Variants in CPEB3 observed in about 807,000 individuals in gnomAD.
CPEB3 encodes cytoplasmic polyadenylation element binding protein 3, also known as cytoplasmic polyadenylation element-binding protein 3.
In CPEB3, 20 loss-of-function variants were observed where a neutral mutation model predicts 67.2. The ratio of observed to expected loss-of-function variants is 0.30; its 90% CI spans 0.21 to 0.43. CPEB3 has a LOEUF of 0.43. Ranked by LOEUF, CPEB3 falls within the 20% of genes least tolerant of loss-of-function variation. The pLI, the probability that CPEB3 is intolerant of heterozygous loss-of-function variation, is 1.00. For missense variants in CPEB3, 746 were observed against 968.6 expected (o/e 0.77, Z 3.05); for synonymous variants, 376 against 393.1 (o/e 0.96, Z 0.51).
intron 7 of CPEB3, among the ~76,000 whole-genome samples, chr10:92,100,685 G>A (rs568611020): frequency 1.3e-5 from 2 of 151,536 alleles, no homozygotes; most frequent in Admixed American, 6.5e-5. Context: ...TTCGCCTCCC[G>A]GGTTCACACC....
intron 6 of CPEB3, among the ~76,000 whole-genome samples, chr10:92,134,880 C>G (rs1435590513): frequency 1.3e-5 from 2 of 151,880 alleles, no homozygotes; most frequent in Non-Finnish European, 2.9e-5. Context: ...ACCATCTGAT[C>G]TTTGACAAAC....
chr10:92,259,257 C>T (rs897585236), intron 1 of CPEB3, among the ~76,000 whole-genome samples: 7 of 151,916 alleles, frequency 4.6e-5, no homozygotes, highest in African/African-American at 1.4e-4. Context: ...GCCGCCACAC[C>T]CAGCCATTCT....
chr10:92,275,489 C>T (rs192962068), intron 1 of CPEB3, among the ~76,000 whole-genome samples: 4 of 152,284 alleles, frequency 2.6e-5, no homozygotes, highest in Admixed American at 2.0e-4. Context: ...AGTAAGTCTA[C>T]TAACAGATTT....
At chr10:92,120,376 A>T (rs948105236) in intron 6 of CPEB3, among the ~76,000 whole-genome samples, 4 of 152,160 alleles carry the variant, frequency 2.6e-5, no homozygotes, top group African/African-American at 9.6e-5. Context: ...CGAGGTCAGG[A>T]GATTGAGACC....
Position 92,255,341 on chromosome 10 carries a change from T to G in CPEB3, c.-11-14980A>C. ...ACTTCCAGTTAACTCCCCAACTTAC[T>G]GCAGTCTGGCTTCTGCCCCTACCAT... On this transcript the variant is annotated intron_variant, in intron 1 of 9. Coordinates refer to ENST00000265997, the MANE Select transcript of CPEB3 (RefSeq NM_014912.5). Among the ~76,000 whole-genome samples, 2 of 152,228 alleles carry G rather than the reference T, an allele frequency of 1.3e-5. 1 individual carries two copies. The highest frequency in any genetic ancestry group is 3.8e-4 in the East Asian group (2 of 5,204).
chr10:92,142,914 C>T (rs1846505114), intron 6 of CPEB3, 115 bp downstream of exon 6: 1 of 648,342 alleles, frequency 1.5e-6, no homozygotes, highest in East Asian at 2.8e-5. Flanking sequence ...AAAATGTTTT[C>T]CTAATTGGGG....
chr10:92,155,814 A>G (rs902263684), intron 4 of CPEB3, among the ~76,000 whole-genome samples: 1 of 152,202 alleles, frequency 6.6e-6, no homozygotes, highest in Non-Finnish European at 1.5e-5. Flanking sequence ...GAGAACAATA[A>G]AATCAACCTC....
intron 6 of CPEB3, among the ~76,000 whole-genome samples, chr10:92,119,869 A>AT (rs1012286794): frequency 2.0e-5 from 3 of 151,912 alleles, no homozygotes; most frequent in Non-Finnish European, 4.4e-5. Flanking sequence ...GTCATGCACC[A>AT]TTTTTTTCTG....
chr10:92,065,620 T>C (rs910579060), intron 9 of CPEB3, among the ~76,000 whole-genome samples: 1 of 152,150 alleles, frequency 6.6e-6, no homozygotes, highest in Non-Finnish European at 1.5e-5. Flanking sequence ...TTAGACACAT[T>C]CCTGAGGTCT....
Position 92,209,936 on chromosome 10 carries a change from T to C in CPEB3, c.1006-17300A>G, listed in dbSNP as rs543537953. ...CAGCCTGGGCGACAGAGCTAGGCTC[T>C]GTCTCAAAAAAAAAAAAAAAAAAAA... On this transcript the variant is annotated intron_variant, in intron 2 of 9. Transcript: ENST00000265997. 7.7e-5 allele frequency among the ~76,000 whole-genome samples: 9 copies of C among 117,024 alleles called. No individual in the cohort carries two copies. In the South Asian group the frequency reaches 2.1e-3, roughly 27 times the overall value. 76.8% of individuals were successfully genotyped at this position (117,024 alleles called of 152,430 possible).
chr10:92,232,986 T>C (rs1313559566), intron 2 of CPEB3, among the ~76,000 whole-genome samples: 2 of 152,156 alleles, frequency 1.3e-5, no homozygotes, highest in Non-Finnish European at 2.9e-5. Flanking sequence ...AAACCTAATA[T>C]TTCCTAACCA....
At chr10:92,216,818 C>G in intron 2 of CPEB3, 1 of 1,607,334 alleles carries the variant, frequency 6.2e-7, no homozygotes, top group South Asian at 1.1e-5. Context: ...ACCTGGGCAC[C>G]TGCCGCTGGA....
chr10:92,127,197 C>T (rs855703), intron 6 of CPEB3, among the ~76,000 whole-genome samples: 103,260 of 152,098 alleles, frequency 0.68, 36,660 homozygotes, highest in African/African-American at 0.89. Flanking sequence ...TCTGTAATCC[C>T]AGCATTTTGG....
chr10:92,228,717 C>T (rs61055151), intron 2 of CPEB3, among the ~76,000 whole-genome samples: 6 of 145,674 alleles, frequency 4.1e-5, no homozygotes, highest in African/African-American at 1.4e-4. Flanking sequence ...TATATATATA[C>T]ATTTTTTTTT....
At chr10:92,136,376 G>T (rs1846096540) in intron 6 of CPEB3, among the ~76,000 whole-genome samples, 1 of 152,016 alleles carries the variant, frequency 6.6e-6, no homozygotes, top group African/African-American at 2.4e-5. Context: ...CACAGCAAAG[G>T]AAACAGTCAA....
At chr10:92,181,064 T>G (rs1848436338) in intron 3 of CPEB3, 45 bp from the exon 4 acceptor site, 1 of 1,028,494 alleles carries the variant, frequency 9.7e-7, no homozygotes, top group Admixed American at 1.8e-5. Flanking sequence ...TTTAATGTAA[T>G]CATTTCAAAC....
chr10:92,178,787 T>C (rs1273776757), intron 4 of CPEB3, among the ~76,000 whole-genome samples: 2 of 152,194 alleles, frequency 1.3e-5, no homozygotes, highest in East Asian at 1.9e-4. Context: ...TGGGATCAAC[T>C]GTACAAAAAG....
intron 9 of CPEB3, among the ~76,000 whole-genome samples, chr10:92,060,456 G>C (rs980289049): frequency 1.3e-5 from 2 of 152,048 alleles, no homozygotes; most frequent in African/African-American, 2.4e-5. Flanking sequence ...CATTGGTCTT[G>C]GCAAAAATTT....
intron 1 of CPEB3, among the ~76,000 whole-genome samples, chr10:92,259,991 T>C (rs1464094802): frequency 2.0e-5 from 3 of 152,214 alleles, no homozygotes; most frequent in Admixed American, 2.0e-4. Context: ...TAGGACCTAA[T>C]TTCAGTTCTG....
Sources: allele counts gnomAD v4.1 joint callset (sites outside exome capture counted in the v4.1 genomes callset), GRCh38; gene constraint gnomAD v4.1.1; transcripts MANE v1.5; gene names NCBI Gene and HGNC (gene_info 2026-07-23, HGNC 2026-07-21).